VPS33A: variants seen among roughly 807,000 people sequenced by gnomAD.
VPS33A encodes vacuolar protein sorting-associated protein 33A.
VPS33A carries 32 observed loss-of-function variants against 71.8 expected under a neutral mutation model. The observed-to-expected ratio is 0.45, with a 90% CI of 0.34 to 0.60. The LOEUF (loss-of-function observed/expected upper bound fraction) is 0.60. Among genes scored for constraint, VPS33A ranks in the 20% least tolerant of loss-of-function variants. The probability of loss-of-function intolerance (pLI) is 0.02; values close to 1 mark genes in which losing one functional copy is unlikely to be tolerated. For synonymous variants in VPS33A, 311 were observed against 292.7 expected (o/e 1.06, Z -0.64); for missense variants, 625 against 748.5 (o/e 0.84, Z 1.92).
At chr12:122,256,684 G>C (rs964232359) in intron 4 of VPS33A, among the ~76,000 whole-genome samples, 1 of 151,906 alleles carries the variant, frequency 6.6e-6, no homozygotes, top group Non-Finnish European at 1.5e-5. Context: ...GTGTGATTAT[G>C]TTAAAAACAT....
chr12:122,258,119 G>A (rs1486571639), intron 4 of VPS33A, among the ~76,000 whole-genome samples: 1 of 152,108 alleles, frequency 6.6e-6, no homozygotes, highest in African/African-American at 2.4e-5. Context: ...GCTGGGCGCG[G>A]TGGGTCACAC....
At chr12:122,255,731 A>AAAAAAAC (rs1954908647) in intron 4 of VPS33A, among the ~76,000 whole-genome samples, 1 of 151,288 alleles carries the variant, frequency 6.6e-6, no homozygotes, top group Admixed American at 6.6e-5. Context: ...AAAAAAAAAA[A>AAAAAAAC]AGCCAAGAAA....
In VPS33A at chr12:122,264,140, T is replaced by C. The variant is rs555319253; in HGVS notation, c.162A>G (p.Leu54=). 10 of 1,546,160 alleles carry C rather than the reference T, an allele frequency of 6.5e-6. No homozygotes were observed. The South Asian group carries it at 1.2e-4, about 19-fold the overall frequency. The change falls in exon 2 of 13, where the codon CTA becomes CTG. Residue 54 remains leucine, a synonymous_variant. Coordinates refer to ENST00000267199, the MANE Select transcript of VPS33A (RefSeq NM_022916.6). ...GPFGLIAQYS[L]LKEHEVEKMF... ...ACCCAAATAGCTCATTTACCTTCAA[T>C]AGTGAATACTGTGCAATCAGGCCAA...
chr12:122,232,357 G>T lies in VPS33A; in HGVS notation c.1680C>A (p.Ala560=). The change falls in exon 13 of 13, where the codon GCC becomes GCA. Residue 560 remains alanine, a synonymous_variant. Coordinates refer to ENST00000267199, the MANE Select transcript of VPS33A (RefSeq NM_022916.6). ...CTTCCAACTGGGAGAGAAATCGCAG[G>T]GCAGCAATTTCAGCGAAGGTTACGC... The part of the protein sequence containing the change: ...LGGVTFAEIA[A]LRFLSQLEDG... The T allele has an allele frequency of 6.2e-7, 1 of 1,614,046 alleles. No individual in the cohort carries two copies. Among genetic ancestry groups the T allele is most frequent in the Non-Finnish European group, 8.5e-7 (1 of 1,180,002 alleles).
chr12:122,264,202 G>A lies in VPS33A; in HGVS notation c.103-3C>T, dbSNP rs749338385. The A allele has an allele frequency of 6.5e-7, 1 of 1,532,406 alleles. No individual in the cohort carries two copies. The highest frequency in any genetic ancestry group is 8.9e-7 in the Non-Finnish European group (1 of 1,125,362). 94.9% of individuals were successfully genotyped at this position (1,532,406 alleles called of 1,614,324 possible). On this transcript the variant is annotated splice_polypyrimidine_tract_variant and splice_region_variant and intron_variant, in intron 1 of 12. Transcript: ENST00000267199. ...AGGTATTCATCCCAAACTATTGCCT[G>A]TAAGAGGGGAGAAACATTCTCTTAT... is the stretch of plus-strand genomic sequence containing the variant.
intron 2 of VPS33A, 112 bp downstream of exon 2, chr12:122,264,022 A>G: frequency 1.0e-6 from 1 of 984,116 alleles, no homozygotes; most frequent in Non-Finnish European, 1.5e-6. Context: ...AGTGTTTATA[A>G]AGACCAAACA....
chr12:122,244,656 C>A lies in VPS33A; in HGVS notation c.882G>T (p.Glu294Asp). 1 of 1,614,168 alleles carries A rather than the reference C, an allele frequency of 6.2e-7. No homozygotes were observed. Among genetic ancestry groups the A allele is most frequent in the Non-Finnish European group, 8.5e-7 (1 of 1,180,026 alleles). The change falls in exon 7 of 13, where the codon GAG (glutamate) becomes GAT (aspartate). Residue 294 changes from glutamate to aspartate, a missense_variant. Physicochemically the swap from Glu to Asp is conservative, Grantham distance 45 (BLOSUM62 2). Coordinates refer to ENST00000267199, the MANE Select transcript of VPS33A (RefSeq NM_022916.6). ...TCTTATCTCGGATCTCAGCATAGAG[C>A]TCCTCTGCAGAATTCAGCTGCAGCT... ...AKKLQLNSAE[E>D]LYAEIRDKNF... is the part of the protein sequence containing the mutation.
Position 122,263,709 on chromosome 12 carries a change from C to G in VPS33A, c.169-10G>C. ...TTTCCACTTCATGTTCCTAGGCAAA[C>G]ACATACACAAAAGGTTAACAAGAAG... On this transcript the variant is annotated splice_polypyrimidine_tract_variant and intron_variant, in intron 2 of 12. Transcript: ENST00000267199. 1 of 1,593,804 alleles carries G rather than the reference C, an allele frequency of 6.3e-7. No individual in the cohort carries two copies. Among genetic ancestry groups the G allele is most frequent in the South Asian group, 1.1e-5 (1 of 88,864 alleles).
At chr12:122,248,425 C>T (rs1206223995) in intron 6 of VPS33A, 2 of 152,182 alleles carry the variant, frequency 1.3e-5, no homozygotes, top group Admixed American at 1.3e-4. Context: ...CAATATTTTT[C>T]GTCATGGCCT....
chr12:122,244,314 G>A (rs1480985102), intron 7 of VPS33A, among the ~76,000 whole-genome samples: 1 of 152,146 alleles, frequency 6.6e-6, no homozygotes, highest in Admixed American at 6.6e-5. Context: ...GTTTATGATG[G>A]AAGTCTGTAA....
chr12:122,263,569 T>C lies in VPS33A; in HGVS notation c.296+3A>G. 6.3e-7 allele frequency: 1 copy of C among 1,598,336 alleles called. No individual in the cohort carries two copies. Among genetic ancestry groups the C allele is most frequent in the Non-Finnish European group, 8.5e-7 (1 of 1,171,468 alleles). ...TTTGGATCAAACACAAGCTCTGAGA[T>C]ACCTGAGCACGTTTTCAGCGATTAT... On this transcript the variant is annotated splice_donor_region_variant and intron_variant, in intron 3 of 12. Transcript: ENST00000267199.
chr12:122,263,585 C>T lies in VPS33A; in HGVS notation c.283G>A (p.Glu95Lys). 6.2e-7 allele frequency: 1 copy of T among 1,606,550 alleles called. No homozygotes were observed. Among genetic ancestry groups the T allele is most frequent in the Non-Finnish European group, 8.5e-7 (1 of 1,176,120 alleles). ...PRLELMDIIAENVLSEDRRGP... is the reference protein window; with the variant it reads ...PRLELMDIIAKNVLSEDRRGP... ...GCTCTGAGATACCTGAGCACGTTTT[C>T]AGCGATTATATCCATCAACTCTAGC... The change falls in exon 3 of 13, where the codon GAA (glutamate) becomes AAA (lysine). Residue 95 changes from glutamate (E) to lysine (K), a missense_variant. Physicochemically the swap from Glu to Lys is moderately conservative, Grantham distance 56. Coordinates refer to ENST00000267199, the MANE Select transcript of VPS33A (RefSeq NM_022916.6).
chr12:122,239,595 G>A (rs997967839), intron 9 of VPS33A, among the ~76,000 whole-genome samples: 4 of 151,956 alleles, frequency 2.6e-5, no homozygotes, highest in Admixed American at 2.6e-4. Context: ...TTAGCCAGGT[G>A]TGGTGGTGAG....
Position 122,239,934 on chromosome 12 carries a change from A to C in VPS33A, c.1108T>G (p.Phe370Val), listed in dbSNP as rs779547911. Residue 370 changes from phenylalanine (F) to valine (V), a missense_variant, in exon 9 of 13, where the codon TTT becomes GTT. Phe to Val is a conservative substitution (Grantham distance 50). Transcript: ENST00000267199. ...LIKDVTTSEDFFDKLTVEQEF... is the reference protein window; with the variant it reads ...LIKDVTTSEDVFDKLTVEQEF... ...TGTTCCACGGTTAATTTATCAAAAAAGTCTTCAGAAGCTAAAATGAAATTA... is the reference window on the plus strand; with the variant it reads ...TGTTCCACGGTTAATTTATCAAAAACGTCTTCAGAAGCTAAAATGAAATTA... The C allele has an allele frequency of 6.2e-7, 1 of 1,613,192 alleles. No homozygotes were observed. The highest frequency in any genetic ancestry group is 8.5e-7 in the Non-Finnish European group (1 of 1,179,544).
chr12:122,252,638 G>A (rs1181359022), intron 4 of VPS33A, among the ~76,000 whole-genome samples: 1 of 152,124 alleles, frequency 6.6e-6, no homozygotes, highest in Non-Finnish European at 1.5e-5. Context: ...GAGGGAAGCA[G>A]TCACTTTTGA....
At chr12:122,239,837 G>T in intron 9 of VPS33A, 41 bp downstream of exon 9, 1 of 1,431,274 alleles carries the variant, frequency 7.0e-7, no homozygotes, top group Non-Finnish European at 9.6e-7. Context: ...GGTTTAATAA[G>T]CTTTCAATTA....
chr12:122,241,172 A>T (rs1954709408), intron 8 of VPS33A: 1 of 152,118 alleles, frequency 6.6e-6, no homozygotes, highest in Non-Finnish European at 1.5e-5. Flanking sequence ...AGACTAAAAA[A>T]ATTAACCATC....
chr12:122,266,237 G>C (rs1955069300), intron 1 of VPS33A, 70 bp downstream of exon 1: 1 of 1,571,724 alleles, frequency 6.4e-7, no homozygotes, highest in South Asian at 1.1e-5. Flanking sequence ...AACTCAGGCG[G>C]TCAGGGAACG....
intron 1 of VPS33A, among the ~76,000 whole-genome samples, chr12:122,265,996 C>A (rs571931728): frequency 6.6e-6 from 1 of 152,244 alleles, no homozygotes; most frequent in Non-Finnish European, 1.5e-5. Context: ...ACCGCTCACC[C>A]GTCCGGTGCC....
Sources: gnomAD v4.1 joint callset for allele counts (sites outside exome capture counted in the v4.1 genomes callset) on GRCh38, gnomAD v4.1.1 for gene constraint, MANE v1.5 for transcripts, NCBI Gene and HGNC (gene_info 2026-07-23, HGNC 2026-07-21) for gene names.